Variants in LAMA2 observed in about 807,000 individuals in gnomAD.
LAMA2 encodes laminin subunit alpha 2, also known as laminin subunit alpha-2.
Under a neutral mutation model 364.8 loss-of-function variants are expected in LAMA2, and 269 were observed. The observed-to-expected ratio is 0.74, with a 90% CI of 0.67 to 0.82. The LOEUF (loss-of-function observed/expected upper bound fraction) is 0.82, where lower values mean the gene tolerates loss of function less well. Ranked by LOEUF, LAMA2 falls within the 40% of genes least tolerant of loss-of-function variation. The pLI, the probability that LAMA2 is intolerant of heterozygous loss-of-function variation, is 0.00. For synonymous variants in LAMA2, 1,379 were observed against 1,370.6 expected (o/e 1.01, Z -0.14); for missense variants, 3,807 against 3,873.2 (o/e 0.98, Z 0.45).
At chr6:129,138,308 A>T (rs1052685522) in intron 4 of LAMA2, among the ~76,000 whole-genome samples, 9 of 152,156 alleles carry the variant, frequency 5.9e-5, no homozygotes, top group Non-Finnish European at 1.2e-4. Context: ...GAGCAGTATT[A>T]GAATTAATAA....
At chr6:128,921,919 C>T (rs2114489627) in intron 1 of LAMA2, among the ~76,000 whole-genome samples, 1 of 138,128 alleles carries the variant, frequency 7.2e-6, no homozygotes, top group South Asian at 2.3e-4. Flanking sequence ...CATGTGTTCT[C>T]ATTGTTCAAT....
chr6:129,307,735 G>C (rs909991475), intron 22 of LAMA2, among the ~76,000 whole-genome samples: 1 of 152,224 alleles, frequency 6.6e-6, no homozygotes, highest in African/African-American at 2.4e-5. Flanking sequence ...AGAAGAGGCT[G>C]TTCAAAAGAA....
chr6:129,363,250 G>A (rs954041327), intron 32 of LAMA2, among the ~76,000 whole-genome samples: 5 of 152,166 alleles, frequency 3.3e-5, no homozygotes, highest in Non-Finnish European at 7.3e-5. Context: ...GCCGCAGTGA[G>A]TCATGATCAC....
intron 35 of LAMA2, among the ~76,000 whole-genome samples, chr6:129,385,596 C>T (rs536910185): frequency 6.6e-6 from 1 of 152,200 alleles, no homozygotes; most frequent in South Asian, 2.1e-4. Flanking sequence ...GTCATGACCT[C>T]GTTATAGATA....
At chr6:128,916,462 A>C (rs1778322656) in intron 1 of LAMA2, among the ~76,000 whole-genome samples, 1 of 152,170 alleles carries the variant, frequency 6.6e-6, no homozygotes, top group Non-Finnish European at 1.5e-5. Flanking sequence ...TGAATACCTG[A>C]GTATTATGTG....
At chr6:128,912,201 T>G (rs868142274) in intron 1 of LAMA2, among the ~76,000 whole-genome samples, 1 of 152,222 alleles carries the variant, frequency 6.6e-6, no homozygotes, top group South Asian at 2.1e-4. Flanking sequence ...TCGTTTAATT[T>G]TATAATAGAC....
chr6:129,253,098 T>C (rs768378932), intron 14 of LAMA2, among the ~76,000 whole-genome samples: 2 of 135,606 alleles, frequency 1.5e-5, no homozygotes, highest in Non-Finnish European at 3.0e-5. Context: ...TCTGATTAAC[T>C]GCTGTAAGGC....
At position 129,507,607 on chromosome 6, in the gene LAMA2, G is replaced by A. The variant is rs1344714268; in HGVS notation, c.8822G>A (p.Gly2941Glu). 9.3e-6 allele frequency: 15 copies of A among 1,614,044 alleles called. No individual in the cohort carries two copies. The highest frequency in any genetic ancestry group is 1.3e-5 in the Non-Finnish European group (15 of 1,180,002). Residue 2941 changes from glycine (G) to glutamate (E), a missense_variant, in exon 62 of 65, where the codon GGA becomes GAA. This residue lies in a region of LAMA2 where 3,333 missense variants were observed against 3,345.7 expected (regional missense o/e 1.00). Transcript: ENST00000421865. ...VGTCFANAQR[G>E]TYFDGTGFAK... ...ACATGTTTTGCAAATGCTCAGAGGGGAACATATTTTGACGGAACCGGTTTT... is the reference window on the plus strand; with the variant it reads ...ACATGTTTTGCAAATGCTCAGAGGGAAACATATTTTGACGGAACCGGTTTT...
intron 1 of LAMA2, among the ~76,000 whole-genome samples, chr6:128,904,827 T>C (rs1777319625): frequency 6.6e-6 from 1 of 152,150 alleles, no homozygotes; most frequent in African/African-American, 2.4e-5. Context: ...ATGTTCTGCA[T>C]CTGAAGGCCA....
intron 4 of LAMA2, among the ~76,000 whole-genome samples, chr6:129,143,519 C>T (rs976038852): frequency 6.6e-6 from 1 of 151,788 alleles, no homozygotes; most frequent in Non-Finnish European, 1.5e-5. Flanking sequence ...AACTTTTTCC[C>T]CAAGTTTTCT....
At chr6:129,379,754 C>T (rs1224743343) in intron 34 of LAMA2, among the ~76,000 whole-genome samples, 3 of 152,192 alleles carry the variant, frequency 2.0e-5, no homozygotes, top group East Asian at 3.9e-4. Context: ...TGGCTCTTCT[C>T]CCAAGCTTCA....
chr6:129,488,324 A>G (rs1784698108), intron 56 of LAMA2, among the ~76,000 whole-genome samples: 1 of 152,212 alleles, frequency 6.6e-6, no homozygotes, highest in Non-Finnish European at 1.5e-5. Context: ...AAAACAAAAC[A>G]AAACAAAAAC....
intron 10 of LAMA2, 150 bp downstream of exon 10, chr6:129,178,016 T>C (rs1283018937): frequency 3.7e-6 from 3 of 808,108 alleles, no homozygotes; most frequent in Non-Finnish European, 6.2e-6. Flanking sequence ...CCAGGTTCAC[T>C]GTAGCAGGAT....
intron 4 of LAMA2, among the ~76,000 whole-genome samples, chr6:129,121,833 T>G (rs1776822734): frequency 6.6e-6 from 1 of 152,138 alleles, no homozygotes; most frequent in Non-Finnish European, 1.5e-5. Flanking sequence ...AACGAGTCAA[T>G]TTTCTGAGGC....
At chr6:129,341,154 C>T (rs995587316) in intron 29 of LAMA2, among the ~76,000 whole-genome samples, 1 of 152,110 alleles carries the variant, frequency 6.6e-6, no homozygotes, top group African/African-American at 2.4e-5. Flanking sequence ...CATTCCCTAC[C>T]AACAATTGTC....
chr6:129,054,277 G>T (rs1470472286), intron 2 of LAMA2, among the ~76,000 whole-genome samples: 2 of 152,098 alleles, frequency 1.3e-5, no homozygotes, highest in Non-Finnish European at 2.9e-5. Flanking sequence ...TCAAACGTGT[G>T]GACTGATACT....
intron 1 of LAMA2, among the ~76,000 whole-genome samples, chr6:128,960,644 G>A (rs1342994057): frequency 6.6e-6 from 1 of 152,106 alleles, no homozygotes; most frequent in East Asian, 1.9e-4. Flanking sequence ...ACAGGCGTGA[G>A]CCACCACGCC....
intron 2 of LAMA2, among the ~76,000 whole-genome samples, chr6:129,053,539 G>A (rs971694372): frequency 8.6e-5 from 13 of 151,786 alleles, no homozygotes; most frequent in African/African-American, 2.9e-4. Context: ...ATGGAGTCAA[G>A]GCAATAAAGG....
intron 40 of LAMA2, among the ~76,000 whole-genome samples, chr6:129,408,829 G>A (rs1027666770): frequency 5.3e-5 from 8 of 152,126 alleles, no homozygotes; most frequent in Non-Finnish European, 8.8e-5. Context: ...AGGGTGGCTG[G>A]GGAAAGAGGC....
Sources: allele counts gnomAD v4.1 joint callset (sites outside exome capture counted in the v4.1 genomes callset), GRCh38; gene constraint gnomAD v4.1.1; regional missense constraint gnomAD v4.1.1; transcripts MANE v1.5; gene names NCBI Gene and HGNC (gene_info 2026-07-23, HGNC 2026-07-21).